CPQ: variants seen among roughly 807,000 people sequenced by gnomAD.
CPQ encodes Ser-Met dipeptidase.
Under a neutral mutation model 45.7 loss-of-function variants are expected in CPQ, and 37 were observed. That is an observed-to-expected ratio of 0.81 (90% CI 0.62 to 1.07). The LOEUF (loss-of-function observed/expected upper bound fraction) is 1.07, where lower values mean the gene tolerates loss of function less well. Among genes scored for constraint, CPQ ranks in the 50% least tolerant of loss-of-function variants. The pLI is 0.00. For missense variants in CPQ, 537 were observed against 572.9 expected (o/e 0.94, Z 0.64); for synonymous variants, 186 against 205.8 (o/e 0.90, Z 0.82).
intron 3 of CPQ, among the ~76,000 whole-genome samples, chr8:96,851,353 T>A (rs750368633): frequency 6.6e-6 from 1 of 152,232 alleles, no homozygotes; most frequent in Non-Finnish European, 1.5e-5. Flanking sequence ...TTGGTTCATT[T>A]GTGCTGCTAT....
intron 1 of CPQ, among the ~76,000 whole-genome samples, chr8:96,749,224 A>G (rs1810228168): frequency 6.6e-6 from 1 of 152,172 alleles, no homozygotes; most frequent in Middle Eastern, 3.2e-3. Context: ...TTTATTCTGT[A>G]GGACCAAGAA....
intron 7 of CPQ, among the ~76,000 whole-genome samples, chr8:97,119,645 T>G (rs1262627285): frequency 1.3e-5 from 2 of 152,152 alleles, no homozygotes; most frequent in African/African-American, 4.8e-5. Context: ...TCTCTGAAAT[T>G]AGTTCCCTCA....
chr8:97,120,314 T>C (rs956762840), intron 7 of CPQ, among the ~76,000 whole-genome samples: 1 of 151,606 alleles, frequency 6.6e-6, no homozygotes, highest in Non-Finnish European at 1.5e-5. Context: ...GATAAATTAG[T>C]GGGCAATCAT....
chr8:96,786,397 G>A (rs889057404), intron 2 of CPQ, among the ~76,000 whole-genome samples: 9 of 151,970 alleles, frequency 5.9e-5, no homozygotes, highest in African/African-American at 1.7e-4. Flanking sequence ...TTTTATGGAT[G>A]TACCACATTT....
chr8:96,959,979 T>C (rs997908505), intron 4 of CPQ, among the ~76,000 whole-genome samples: 2 of 152,104 alleles, frequency 1.3e-5, no homozygotes, highest in African/African-American at 4.8e-5. Context: ...GAAGCATACT[T>C]TATTGTCAGA....
At chr8:96,919,895 T>C (rs1225629887) in intron 4 of CPQ, among the ~76,000 whole-genome samples, 2 of 152,168 alleles carry the variant, frequency 1.3e-5, no homozygotes, top group African/African-American at 4.8e-5. Flanking sequence ...ATATGTACTC[T>C]GGAGTTATAC....
intron 1 of CPQ, among the ~76,000 whole-genome samples, chr8:96,752,478 G>C (rs1388070719): frequency 6.6e-6 from 1 of 152,130 alleles, no homozygotes; most frequent in African/African-American, 2.4e-5. Context: ...TATTGATTTT[G>C]TATCCTGAGC....
chr8:96,765,403 AAGT>A (rs1810454363), intron 1 of CPQ, among the ~76,000 whole-genome samples: 1 of 152,148 alleles, frequency 6.6e-6, no homozygotes, highest in Admixed American at 6.6e-5. Context: ...AAACATTTTG[AAGT>A]TGTGACAGTG....
At chr8:96,819,490 G>A (rs765795542) in intron 2 of CPQ, among the ~76,000 whole-genome samples, 10 of 152,046 alleles carry the variant, frequency 6.6e-5, no homozygotes, top group Non-Finnish European at 1.3e-4. Flanking sequence ...ACTTTCAGGT[G>A]GATGCCTAAT....
At chr8:96,688,379 T>C (rs1212638575) in intron 1 of CPQ, among the ~76,000 whole-genome samples, 1 of 152,226 alleles carries the variant, frequency 6.6e-6, no homozygotes, top group African/African-American at 2.4e-5. Context: ...TGGATTTTGC[T>C]TTGAGGCCCA....
chr8:97,064,553 A>G (rs1165919513), intron 6 of CPQ, among the ~76,000 whole-genome samples: 3 of 152,192 alleles, frequency 2.0e-5, no homozygotes, highest in African/African-American at 7.2e-5. Flanking sequence ...AGAAATATGA[A>G]CAGAGTTCTG....
At chr8:97,005,137 G>T (rs1035939579) in intron 5 of CPQ, among the ~76,000 whole-genome samples, 1 of 151,522 alleles carries the variant, frequency 6.6e-6, no homozygotes, top group African/African-American at 2.4e-5. Context: ...GCTGGAGTGT[G>T]GTGGTGTGAT....
intron 6 of CPQ, among the ~76,000 whole-genome samples, chr8:97,052,956 G>A (rs1810386851): frequency 6.6e-6 from 1 of 152,098 alleles, no homozygotes; most frequent in Non-Finnish European, 1.5e-5. Flanking sequence ...TTTAATTGTG[G>A]AACTGTAGGT....
At chr8:96,932,294 T>C (rs1187225139) in intron 4 of CPQ, among the ~76,000 whole-genome samples, 1 of 152,208 alleles carries the variant, frequency 6.6e-6, no homozygotes, top group Non-Finnish European at 1.5e-5. Flanking sequence ...TATATATTAT[T>C]CCTATGTGCA....
intron 7 of CPQ, among the ~76,000 whole-genome samples, chr8:97,106,788 T>C (rs1250301803): frequency 1.3e-5 from 2 of 151,862 alleles, no homozygotes; most frequent in Non-Finnish European, 2.9e-5. Context: ...CATTAAGAGC[T>C]TGGGGATAAA....
intron 4 of CPQ, among the ~76,000 whole-genome samples, chr8:96,928,149 A>T (rs1303216138): frequency 6.6e-6 from 1 of 152,146 alleles, no homozygotes; most frequent in Admixed American, 6.6e-5. Context: ...TTTTACTCTC[A>T]TGAAGCATTT....
intron 3 of CPQ, among the ~76,000 whole-genome samples, chr8:96,875,855 A>G (rs1245754886): frequency 6.6e-6 from 1 of 151,990 alleles, no homozygotes; most frequent in African/African-American, 2.4e-5. Context: ...GAATTTTGAT[A>G]TGGATTGCGT....
chr8:96,969,829 C>T (rs1329551024), intron 5 of CPQ, among the ~76,000 whole-genome samples: 1 of 152,104 alleles, frequency 6.6e-6, no homozygotes. Flanking sequence ...TCTACCCCTA[C>T]TCCCAAAAAA....
At position 97,021,050 on chromosome 8, in the gene CPQ, A is replaced by G. The variant is rs1397154712; in HGVS notation, c.962-8353A>G. Reference sequence around the variant, plus strand: ...TGATCAAGTGGGTTTCATACCAGGGACGCAGGAATGGTTTAACATACACAA... The same window carrying G: ...TGATCAAGTGGGTTTCATACCAGGGGCGCAGGAATGGTTTAACATACACAA... On this transcript the variant is annotated intron_variant, in intron 5 of 7. Transcript: ENST00000220763. 2.0e-5 allele frequency among the ~76,000 whole-genome samples: 3 copies of G among 152,342 alleles called. No homozygotes were observed. In the East Asian group the frequency reaches 5.8e-4, roughly 29 times the overall value.
Sources: gnomAD v4.1 joint callset for allele counts (sites outside exome capture counted in the v4.1 genomes callset) on GRCh38, gnomAD v4.1.1 for gene constraint, MANE v1.5 for transcripts, NCBI Gene and HGNC (gene_info 2026-07-23, HGNC 2026-07-21) for gene names.